The following HEPH variants were observed in gnomAD, a reference collection of about 807,000 sequenced individuals.
The protein encoded by HEPH is hephaestin.
Under a neutral mutation model 80.8 loss-of-function variants are expected in HEPH, and 69 were observed. The ratio of observed to expected loss-of-function variants is 0.85; its 90% CI spans 0.70 to 1.04. The LOEUF is 1.04. HEPH is among the 50% of genes least tolerant of loss of function. HEPH has a pLI of 0.00. For missense variants in HEPH, 1,115 were observed against 891.3 expected (o/e 1.25, Z -3.20); for synonymous variants, 431 against 322.8 (o/e 1.34, Z -3.60).
chrX:66,243,825 G>A (rs948699709), intron 15 of HEPH, among the ~76,000 whole-genome samples: 13 of 111,998 alleles, frequency 1.2e-4, no homozygotes, highest in Non-Finnish European at 2.4e-4. Flanking sequence ...TCCAGGTTTG[G>A]CACTTCCTTA....
intron 15 of HEPH, among the ~76,000 whole-genome samples, chrX:66,224,612 C>T (rs2089799210): frequency 1.8e-5 from 2 of 112,011 alleles, no homozygotes; most frequent in African/African-American, 6.5e-5. Context: ...AGATTGAATG[C>T]ATTTGGGCCA....
chrX:66,247,660 A>T lies in HEPH; in HGVS notation c.2564-7375A>T, dbSNP rs1270556433. 7.2e-5 allele frequency among the ~76,000 whole-genome samples: 8 copies of T among 111,882 alleles called. No homozygotes were observed. In the Admixed American group the frequency reaches 7.6e-4, roughly 11 times the overall value. On this transcript the variant is annotated intron_variant, in intron 15 of 20. Transcript: ENST00000343002. ...ACATCAGTGATATAGTGGGAACAAAAGTCAAGTTACATGAACCAAAAAGTA... is the reference window on the plus strand; with the variant it reads ...ACATCAGTGATATAGTGGGAACAAATGTCAAGTTACATGAACCAAAAAGTA...
intron 20 of HEPH, among the ~76,000 whole-genome samples, chrX:66,264,363 G>A (rs1044556628): frequency 1.8e-5 from 2 of 108,552 alleles, no homozygotes; most frequent in African/African-American, 6.7e-5. Context: ...CCCCCCTAGG[G>A]ACAGTATGAG....
chrX:66,186,430 A>G (rs1409727884), intron 4 of HEPH, among the ~76,000 whole-genome samples: 2 of 112,054 alleles, frequency 1.8e-5, no homozygotes, highest in Non-Finnish European at 3.8e-5. Flanking sequence ...AGCCGGTCTG[A>G]AAAGCGCAAT....
chrX:66,255,382 G>A (rs1475215047), intron 16 of HEPH, among the ~76,000 whole-genome samples: 1 of 19,728 alleles, frequency 5.1e-5, no homozygotes, highest in African/African-American at 2.3e-4. Flanking sequence ...AAAGCAACAT[G>A]TTCTCATTAT....
intron 4 of HEPH, among the ~76,000 whole-genome samples, chrX:66,186,566 A>T (rs953526110): frequency 8.9e-6 from 1 of 112,500 alleles, no homozygotes; most frequent in Non-Finnish European, 1.9e-5. Context: ...CGGCTCGCGC[A>T]TGGTGCGCAC....
chrX:66,186,656 C>G (rs750228782), intron 4 of HEPH, among the ~76,000 whole-genome samples: 19 of 111,608 alleles, frequency 1.7e-4, no homozygotes, highest in Non-Finnish European at 3.6e-4. Context: ...AGAAATCACC[C>G]GTCTTCTGCG....
intron 15 of HEPH, among the ~76,000 whole-genome samples, chrX:66,222,811 G>T (rs950000770): frequency 8.9e-6 from 1 of 111,853 alleles, no homozygotes; most frequent in Non-Finnish European, 1.9e-5. Flanking sequence ...TCCCCACAGG[G>T]TATAACAAGG....
intron 15 of HEPH, among the ~76,000 whole-genome samples, chrX:66,236,451 C>T (rs1174324146): frequency 9.0e-6 from 1 of 111,474 alleles, no homozygotes; most frequent in South Asian, 3.8e-4. Context: ...ATCTTGCATC[C>T]CAGGGATAAA....
intron 4 of HEPH, among the ~76,000 whole-genome samples, chrX:66,187,936 G>A (rs1192240885): frequency 2.7e-5 from 3 of 111,479 alleles, no homozygotes; most frequent in African/African-American, 9.8e-5. Flanking sequence ...AGTCATTATA[G>A]GAGTCAAGTC....
chrX:66,236,359 C>G (rs183273644), intron 15 of HEPH, among the ~76,000 whole-genome samples: 153 of 111,718 alleles, frequency 1.4e-3, no homozygotes, highest in African/African-American at 4.9e-3. Flanking sequence ...TTTCCTGCAT[C>G]TATTGTGATA....
chrX:66,264,572 A>T (rs2091472994), intron 20 of HEPH, among the ~76,000 whole-genome samples: 1 of 108,963 alleles, frequency 9.2e-6, no homozygotes, highest in Admixed American at 1.0e-4. Context: ...ACTAGGAAAG[A>T]TCCAGAAAGG....
At chrX:66,166,517 G>T (rs2086374737) in intron 1 of HEPH, among the ~76,000 whole-genome samples, 1 of 111,974 alleles carries the variant, frequency 8.9e-6, no homozygotes, top group Non-Finnish European at 1.9e-5. Flanking sequence ...GGTTATAAAG[G>T]ATTTTATGGG....
At chrX:66,256,356 T>C in intron 17 of HEPH, 26 bp downstream of exon 17, 1 of 1,083,788 alleles carries the variant, frequency 9.2e-7, no homozygotes, top group Non-Finnish European at 1.3e-6. Context: ...CCTACTCTTG[T>C]TCCAAAGCAG....
In HEPH at chrX:66,207,177, C is replaced by T. The variant is rs1206330962; in HGVS notation, c.2292-18C>T. On this transcript the variant is annotated intron_variant, in intron 13 of 20. Coordinates refer to ENST00000343002, the MANE Select transcript of HEPH (RefSeq NM_001367233.3). ...GGTTGATGGCCAGGTGCTGATAGTA[C>T]TCTTTGGATTCCTCTAGTTATGGTT... The T allele has an allele frequency of 2.8e-5, 33 of 1,174,172 alleles. No individual in the cohort carries two copies. The highest frequency in any genetic ancestry group is 3.7e-5 in the Non-Finnish European group (32 of 875,159).
intron 1 of HEPH, chrX:66,169,987 T>G (rs2086521121): frequency 1.8e-5 from 2 of 112,451 alleles, no homozygotes; most frequent in South Asian, 7.3e-4. Flanking sequence ...TCATTATTAT[T>G]GCTATAAAGA....
At chrX:66,260,670 T>C (rs1374967089) in intron 19 of HEPH, among the ~76,000 whole-genome samples, 1 of 112,811 alleles carries the variant, frequency 8.9e-6, no homozygotes, top group Non-Finnish European at 1.9e-5. Flanking sequence ...GGAATATTGC[T>C]GATTAGTCTT....
chrX:66,268,342 G>A (rs761703752), downstream of HEPH: 3 of 112,193 alleles, frequency 2.7e-5, no homozygotes, highest in East Asian at 8.4e-4. Flanking sequence ...AAGTTTGGAG[G>A]AGAAAACACA....
intron 11 of HEPH, 30 bp from the exon 12 acceptor site, chrX:66,200,510 C>CGAG: frequency 8.8e-7 from 1 of 1,131,888 alleles, no homozygotes; most frequent in Middle Eastern, 2.4e-4. Context: ...GTCTCATCTC[C>CGAG]CCACCTTGTC....
Sources: gnomAD v4.1 joint callset for allele counts (sites outside exome capture counted in the v4.1 genomes callset) on GRCh38, gnomAD v4.1.1 for gene constraint, MANE v1.5 for transcripts, NCBI Gene and HGNC (gene_info 2026-07-23, HGNC 2026-07-21) for gene names.